The following BRI3 variants were observed in gnomAD, a reference collection of about 807,000 sequenced individuals.
The protein encoded by BRI3 is brain protein I3, also known as membrane protein BRI3.
BRI3 carries 6 observed loss-of-function variants against 12.8 expected under a neutral mutation model. The ratio of observed to expected loss-of-function variants is 0.47; its 90% confidence interval spans 0.26 to 0.93. BRI3 has a LOEUF of 0.93. Among genes scored for constraint, BRI3 ranks in the 40% least tolerant of loss-of-function variants. The probability of loss-of-function intolerance (pLI) is 0.15; values close to 1 mark genes in which losing one functional copy is unlikely to be tolerated. For synonymous variants in BRI3, 91 were observed against 76.1 expected (o/e 1.20, Z -1.02); for missense variants, 134 against 171.1 (o/e 0.78, Z 1.21).
the BRI3 span, among the ~76,000 whole-genome samples, chr7:98,316,750 A>G: frequency 1.3e-5 from 2 of 152,116 alleles, no homozygotes. Flanking sequence ...GTTTGGACCC[A>G]TTAACCAACC....
chr7:98,285,528 G>A (rs952433198), intron 2 of BRI3, among the ~76,000 whole-genome samples: 5 of 152,186 alleles, frequency 3.3e-5, no homozygotes, highest in Non-Finnish European at 2.9e-5. Flanking sequence ...CGGATGGGCC[G>A]GAGCTTGGGC....
chr7:98,320,008 G>A, the BRI3 span: 1 of 1,473,062 alleles, frequency 6.8e-7, no homozygotes, highest in East Asian at 2.3e-5. Flanking sequence ...TCCCCAGGCT[G>A]GGAGGTCAGG....
chr7:98,281,718 CCCGCCG>C lies in BRI3; in HGVS notation c.-67_-62del, dbSNP rs946292198. ...CCCGAGCCACCCGGTCCGCCGCGTCCCCGCCGCCGCCGCCGCGTCCCCCGCCGGGGC... is the reference window on the plus strand; with the variant it reads ...CCCGAGCCACCCGGTCCGCCGCGTCCCCGCCGCCGCGTCCCCCGCCGGGGC... On this transcript the variant is annotated 5_prime_UTR_variant, in exon 1 of 3. Coordinates refer to ENST00000297290, the MANE Select transcript of BRI3 (RefSeq NM_015379.5). The C allele has an allele frequency of 9.2e-6, 7 of 761,066 alleles. No individual in the cohort carries two copies. The African/African-American group carries it at 1.1e-4, about 12-fold the overall frequency. The allele number at this position is 761,066 out of a possible 1,614,324, so 47.1% of individuals were successfully genotyped here.
chr7:98,290,972 G>C, intron 2 of BRI3, 139 bp from the exon 3 acceptor site: 1 of 936,088 alleles, frequency 1.1e-6, no homozygotes. Flanking sequence ...GGGGTGGGGG[G>C]CTGTTTTCTG....
downstream of BRI3, chr7:98,294,114 G>A (rs1196924229): frequency 1.9e-6 from 3 of 1,613,962 alleles, no homozygotes; most frequent in Admixed American, 3.3e-5. Flanking sequence ...GCATCGTTCT[G>A]TGAGAAAGAT....
At chr7:98,294,211 T>TA, downstream of BRI3, 1 of 1,289,318 alleles carries the variant, frequency 7.8e-7, no homozygotes, top group Non-Finnish European at 1.1e-6. Context: ...CAGGCTGGTT[T>TA]CGAACTCCTG....
At chr7:98,293,315 A>G, downstream of BRI3, 1 of 510,488 alleles carries the variant, frequency 2.0e-6, no homozygotes, top group Admixed American at 3.6e-5. Context: ...TGAGCTGGTC[A>G]TTAGACTATT....
At chr7:98,316,140 A>G in the BRI3 span, among the ~76,000 whole-genome samples, 1,312 of 152,194 alleles carry the variant, frequency 8.6e-3, 19 homozygotes, top group African/African-American at 0.03. Flanking sequence ...ATGGCTTCAT[A>G]AAGGGAGTTT....
At chr7:98,301,457 TCTAG>T (rs1290193357) in intron 1 of BRI3, among the ~76,000 whole-genome samples, 2 of 146,376 alleles carry the variant, frequency 1.4e-5, no homozygotes, top group Non-Finnish European at 3.0e-5. Context: ...CTGAAAGCCT[TCTAG>T]CTTTTTTTTT....
chr7:98,302,695 G>A (rs1245164673), upstream of BRI3, among the ~76,000 whole-genome samples: 3 of 152,200 alleles, frequency 2.0e-5, no homozygotes, highest in East Asian at 1.9e-4. Flanking sequence ...GGCAGAGGGG[G>A]GACCTGTAGC....
chr7:98,294,681 A>G (rs1476715843), downstream of BRI3, among the ~76,000 whole-genome samples: 1 of 152,234 alleles, frequency 6.6e-6, no homozygotes, highest in Non-Finnish European at 1.5e-5. Context: ...CGCAGAATCT[A>G]GTGACTGGGA....
chr7:98,320,722 T>A, the BRI3 span, among the ~76,000 whole-genome samples: 1 of 152,142 alleles, frequency 6.6e-6, no homozygotes, highest in Non-Finnish European at 1.5e-5. Flanking sequence ...CTAAGCATCA[T>A]CCCTGAGACA....
upstream of BRI3, among the ~76,000 whole-genome samples, chr7:98,303,497 G>A (rs1800510250): frequency 6.6e-6 from 1 of 152,186 alleles, no homozygotes; most frequent in Non-Finnish European, 1.5e-5. Context: ...GTTATTCTCT[G>A]CATGGCTTCT....
chr7:98,293,352 T>C, downstream of BRI3: 3 of 613,254 alleles, frequency 4.9e-6, no homozygotes, highest in South Asian at 6.6e-5. Context: ...GGCAGAAACT[T>C]GTCAACCCAA....
chr7:98,284,260 T>C (rs1041474055), intron 2 of BRI3, among the ~76,000 whole-genome samples: 3 of 152,230 alleles, frequency 2.0e-5, no homozygotes, highest in Non-Finnish European at 2.9e-5. Context: ...CGGCGACCCC[T>C]TGGGTTGCAG....
downstream of BRI3, chr7:98,293,400 C>T (rs867156077): frequency 5.0e-5 from 44 of 886,964 alleles, no homozygotes; most frequent in African/African-American, 3.3e-4. Context: ...CTTAAGCAGG[C>T]GACATTAGAG....
chr7:98,312,112 G>T, downstream of BRI3: 1 of 1,603,142 alleles, frequency 6.2e-7, no homozygotes, highest in Non-Finnish European at 8.5e-7. Context: ...TGCTTCTCTC[G>T]ATCATGGGTG....
chr7:98,312,170 T>C, downstream of BRI3: 14 of 1,614,150 alleles, frequency 8.7e-6, no homozygotes, highest in Non-Finnish European at 1.1e-5. Flanking sequence ...GGTCTTTATT[T>C]CTTCGATCAT....
intron 1 of BRI3, among the ~76,000 whole-genome samples, 166 bp downstream of exon 1, chr7:98,282,103 C>T (rs1434885562): frequency 6.6e-6 from 1 of 152,158 alleles, no homozygotes; most frequent in Non-Finnish European, 1.5e-5. Context: ...GCCTCCCCCC[C>T]GGGGCTCTAG....
Sources: gnomAD v4.1 joint callset for allele counts (sites outside exome capture counted in the v4.1 genomes callset) on GRCh38, gnomAD v4.1.1 for gene constraint, MANE v1.5 for transcripts, NCBI Gene and HGNC (gene_info 2026-07-23, HGNC 2026-07-21) for gene names.